Variants in GRID2 observed in about 807,000 individuals in gnomAD.
The protein encoded by GRID2 is glutamate ionotropic receptor delta type subunit 2.
Under a neutral mutation model 114.8 loss-of-function variants are expected in GRID2, and 33 were observed. The observed-to-expected ratio is 0.29, with a 90% CI of 0.22 to 0.38. The LOEUF is 0.38. Among genes scored for constraint, GRID2 ranks in the 10% least tolerant of loss-of-function variants. The pLI is 1.00. For missense variants in GRID2, 1,184 were observed against 1,257.7 expected, an observed-to-expected ratio of 0.94 and a Z score of 0.89; for synonymous variants, 505 against 449.9, an observed-to-expected ratio of 1.12 and a Z score of -1.55.
At chr4:93,331,386 A>G (rs1465053301) in intron 8 of GRID2, among the ~76,000 whole-genome samples, 1 of 151,902 alleles carries the variant, frequency 6.6e-6, no homozygotes, top group African/African-American at 2.4e-5. Flanking sequence ...CATTCTTGGT[A>G]ACGTGGACCC....
At chr4:93,807,958 C>T in exon 2 of GRID2, 1 of 152,030 alleles carries the variant, frequency 6.6e-6, no homozygotes, top group East Asian at 1.9e-4. Context: ...ATTCCCTCAT[C>T]TCTGTTCCTT....
chr4:93,660,584 A>T (rs1319960009), intron 14 of GRID2, among the ~76,000 whole-genome samples: 2 of 120,426 alleles, frequency 1.7e-5, no homozygotes, highest in Admixed American at 1.6e-4. Context: ...CCCCCACAAC[A>T]TGTGAGTAAA....
At chr4:93,340,574 T>C (rs1317145946) in intron 8 of GRID2, among the ~76,000 whole-genome samples, 1 of 152,158 alleles carries the variant, frequency 6.6e-6, no homozygotes, top group African/African-American at 2.4e-5. Context: ...TTTTGGTTCC[T>C]TCTTTGATTT....
At chr4:92,451,714 C>T (rs1720934777) in intron 1 of GRID2, among the ~76,000 whole-genome samples, 1 of 152,124 alleles carries the variant, frequency 6.6e-6, no homozygotes, top group South Asian at 2.1e-4. Context: ...TAAATTATGA[C>T]ACATTGACAA....
intron 2 of GRID2, among the ~76,000 whole-genome samples, chr4:92,942,624 G>A (rs1751246099): frequency 6.6e-6 from 1 of 152,136 alleles, no homozygotes; most frequent in South Asian, 2.1e-4. Context: ...GATGTTAGCT[G>A]GTTATTTTGC....
At chr4:92,506,008 T>G (rs1395382733) in intron 1 of GRID2, among the ~76,000 whole-genome samples, 1 of 151,996 alleles carries the variant, frequency 6.6e-6, no homozygotes, top group Non-Finnish European at 1.5e-5. Context: ...AGAATGGCAG[T>G]TCTTCTGCAT....
At chr4:92,601,973 ATTC>A (rs1729236128) in intron 2 of GRID2, among the ~76,000 whole-genome samples, 1 of 151,738 alleles carries the variant, frequency 6.6e-6, no homozygotes, top group Non-Finnish European at 1.5e-5. Context: ...AAGAAGTTGA[ATTC>A]TTGAACAGAC....
intron 3 of GRID2, among the ~76,000 whole-genome samples, chr4:93,108,738 C>T (rs540317483): frequency 2.0e-4 from 30 of 151,576 alleles, no homozygotes; most frequent in African/African-American, 4.8e-4. Flanking sequence ...TCAAGCGATT[C>T]TTCTGCCTCA....
intron 4 of GRID2, among the ~76,000 whole-genome samples, chr4:93,121,274 A>C (rs956149227): frequency 6.6e-6 from 1 of 152,216 alleles, no homozygotes; most frequent in African/African-American, 2.4e-5. Context: ...ACCATCATCC[A>C]GATCAAGAAA....
rs914793251 is a variant in GRID2, at chr4:93,187,892, G to A, written c.736-19512G>A. The stretch of plus-strand genomic sequence containing the variant: ...AAGGCTGGAGAATAATTCTTGAGTA[G>A]ATATCCTGCCTTTCAGGCACACTGG... On this transcript the variant is annotated intron_variant, in intron 4 of 15. Coordinates refer to ENST00000282020, the MANE Select transcript of GRID2 (RefSeq NM_001510.4). Among the ~76,000 whole-genome samples, 8 of 152,336 alleles carry A rather than the reference G, an allele frequency of 5.3e-5. No homozygotes were observed. The East Asian group carries it at 1.5e-3, about 29-fold the overall frequency.
intron 4 of GRID2, among the ~76,000 whole-genome samples, chr4:93,115,734 A>C (rs2149356974): frequency 6.6e-6 from 1 of 152,234 alleles, no homozygotes; most frequent in African/African-American, 2.4e-5. Flanking sequence ...CAGGCAAGAG[A>C]GAATGAGAGC....
chr4:93,678,638 A>T (rs907778384), intron 14 of GRID2, among the ~76,000 whole-genome samples: 10 of 152,160 alleles, frequency 6.6e-5, no homozygotes, highest in African/African-American at 2.4e-4. Context: ...TTCTTAAAGA[A>T]AAGAATTTTC....
At chr4:92,834,143 A>T (rs578103603) in intron 2 of GRID2, among the ~76,000 whole-genome samples, 1 of 152,288 alleles carries the variant, frequency 6.6e-6, no homozygotes, top group African/African-American at 2.4e-5. Context: ...CTGAACCTTT[A>T]TATTTATATT....
chr4:93,105,287 G>A (rs925644406), intron 3 of GRID2, among the ~76,000 whole-genome samples: 12 of 151,860 alleles, frequency 7.9e-5, no homozygotes, highest in African/African-American at 2.7e-4. Context: ...AGTTTCTTTT[G>A]TTGTGCAGAA....
chr4:93,216,435 A>G (rs1043178906), intron 5 of GRID2, among the ~76,000 whole-genome samples: 4 of 152,130 alleles, frequency 2.6e-5, no homozygotes, highest in Non-Finnish European at 5.9e-5. Flanking sequence ...GACCACACCT[A>G]TGTTTCTACA....
At chr4:92,653,660 T>C (rs1173201170) in intron 2 of GRID2, among the ~76,000 whole-genome samples, 1 of 152,108 alleles carries the variant, frequency 6.6e-6, no homozygotes, top group Non-Finnish European at 1.5e-5. Context: ...GGACCTATTG[T>C]ATGCTGTACT....
At chr4:92,536,429 G>C (rs958848873) in intron 1 of GRID2, among the ~76,000 whole-genome samples, 1 of 152,022 alleles carries the variant, frequency 6.6e-6, no homozygotes, top group Admixed American at 6.6e-5. Context: ...CTCTCACTAC[G>C]TTGCATAGTA....
At chr4:92,723,489 A>C (rs1457119971) in intron 2 of GRID2, among the ~76,000 whole-genome samples, 1 of 152,188 alleles carries the variant, frequency 6.6e-6, no homozygotes, top group Admixed American at 6.6e-5. Context: ...TTACTTAAAT[A>C]TCTATCTTGC....
intron 8 of GRID2, among the ~76,000 whole-genome samples, chr4:93,252,549 G>A (rs936105416): frequency 6.6e-6 from 1 of 151,806 alleles, no homozygotes; most frequent in African/African-American, 2.4e-5. Context: ...TTGACCATTT[G>A]GCTCTTCTTT....
Sources: gnomAD v4.1 joint callset for allele counts (sites outside exome capture counted in the v4.1 genomes callset) on GRCh38, gnomAD v4.1.1 for gene constraint, MANE v1.5 for transcripts, NCBI Gene and HGNC (gene_info 2026-07-23, HGNC 2026-07-21) for gene names.